Variants in CNOT9 observed in about 807,000 individuals in gnomAD.
CNOT9 encodes CCR4-NOT transcription complex subunit 9, also known as RCD1 required for cell differentiation1 homolog.
A neutral mutation model predicts 37.4 loss-of-function variants in CNOT9; 8 were observed. That is an observed-to-expected ratio of 0.21 (90% CI 0.13 to 0.39). CNOT9 has a LOEUF of 0.39. Among genes scored for constraint, CNOT9 ranks in the 10% least tolerant of loss-of-function variants. The pLI is 1.00. For missense variants in CNOT9, 154 were observed against 365.3 expected (o/e 0.42, Z 4.71); for synonymous variants, 120 against 137.6 (o/e 0.87, Z 0.90).
chr2:218,581,987 T>C (rs9917229), intron 2 of CNOT9, among the ~76,000 whole-genome samples: 6,988 of 151,792 alleles, frequency 0.046, 446 homozygotes, highest in African/African-American at 0.15. Flanking sequence ...GAAGCTGAAG[T>C]AGGAGGATCA....
At chr2:218,588,624 T>C (rs1276011690) in intron 5 of CNOT9, among the ~76,000 whole-genome samples, 8 of 113,848 alleles carry the variant, frequency 7.0e-5, no homozygotes, top group Non-Finnish European at 1.4e-4. Flanking sequence ...TGAGATGGAG[T>C]GATGTAATCT....
chr2:218,579,055 A>G (rs925344560), intron 1 of CNOT9, among the ~76,000 whole-genome samples: 2 of 152,148 alleles, frequency 1.3e-5, no homozygotes, highest in African/African-American at 4.8e-5. Flanking sequence ...TGCTCAGTTG[A>G]GGGGGGATGT....
At chr2:218,585,642 T>TTA (rs1694565383) in intron 4 of CNOT9, among the ~76,000 whole-genome samples, 8 of 132,524 alleles carry the variant, frequency 6.0e-5, no homozygotes, top group Non-Finnish European at 1.0e-4. Context: ...TATTTTATTT[T>TTA]TTTTTTTTTT....
At position 218,594,256 on chromosome 2, in the gene CNOT9, A is replaced by G; in HGVS notation, c.880A>G (p.Ile294Val). The G allele has an allele frequency of 1.2e-6, 2 of 1,612,388 alleles. No individual in the cohort carries two copies. Among genetic ancestry groups the G allele is most frequent in the African/African-American group, 1.3e-5 (1 of 75,042 alleles). ...QEGQVTDPRG[I>V]PLPPQ ...GGGCCAGGTCACCGATCCCCGGGGT[A>G]TCCCCCTGCCCCCTCAGTGATCCTT... Residue 294 changes from isoleucine to valine, a missense_variant, in exon 8 of 8, where the codon ATC becomes GTC. Physicochemically the swap from Ile to Val is conservative, Grantham distance 29 (BLOSUM62 3). Coordinates refer to ENST00000273064, the MANE Select transcript of CNOT9 (RefSeq NM_005444.3).
At chr2:218,586,978 A>C (rs777741372) in intron 4 of CNOT9, among the ~76,000 whole-genome samples, 1 of 152,226 alleles carries the variant, frequency 6.6e-6, no homozygotes, top group African/African-American at 2.4e-5. Context: ...ATACTACCTG[A>C]GTTCCACACC....
intron 3 of CNOT9, 70 bp downstream of exon 3, chr2:218,583,156 TAAAAG>T (rs1694452947): frequency 1.1e-6 from 1 of 948,518 alleles, no homozygotes; most frequent in African/African-American, 1.7e-5. Flanking sequence ...CTCTGAATAA[TAAAAG>T]GAAGGGCATG....
Position 218,583,231 on chromosome 2 carries a change from GTGTCTCTCTCTCTCTCTCTCTC to G in CNOT9, c.320+147_320+168del, listed in dbSNP as rs1281235611. 6.3e-4 allele frequency: 22 copies of G among 35,074 alleles called. No homozygotes were observed. The East Asian group carries it at 0.011, about 18-fold the overall frequency. 2.2% of individuals were successfully genotyped at this position (35,074 alleles called of 1,614,324 possible). On this transcript the variant is annotated intron_variant, in intron 3 of 7. Transcript: ENST00000273064. ...TGTGTGTGTGTGTGTGTGTGTGTGT[GTGTCTCTCTCTCTCTCTCTCTC>G]TCTCTCTCTCTCTCTCTCTCTCTCT...
intron 5 of CNOT9, among the ~76,000 whole-genome samples, chr2:218,591,474 T>G (rs1452699065): frequency 6.6e-6 from 1 of 152,176 alleles, no homozygotes; most frequent in African/African-American, 2.4e-5. Flanking sequence ...CCGAGTGCAG[T>G]GGCTCACGCT....
intron 7 of CNOT9, chr2:218,593,836 GT>G (rs1694855554): frequency 2.5e-6 from 3 of 1,222,800 alleles, no homozygotes; most frequent in East Asian, 5.6e-5. Flanking sequence ...TCAGAAAGCT[GT>G]TTGAATGGAA....
At chr2:218,590,594 A>G (rs545651988) in intron 5 of CNOT9, among the ~76,000 whole-genome samples, 181 of 152,292 alleles carry the variant, frequency 1.2e-3, no homozygotes, top group African/African-American at 3.8e-3. Context: ...TCTAAAGTCA[A>G]TGTATCAGGA....
intron 5 of CNOT9, among the ~76,000 whole-genome samples, chr2:218,588,287 C>CTTTTTTTTTTTTT (rs539751873): frequency 1.4e-5 from 2 of 141,552 alleles, no homozygotes; most frequent in African/African-American, 2.6e-5. Flanking sequence ...AATCATATAT[C>CTTTTTTTTTTTTT]TTTTTTTTTT....
At chr2:218,593,081 A>G (rs754096586) in intron 7 of CNOT9, 36 of 246,636 alleles carry the variant, frequency 1.5e-4, no homozygotes, top group Non-Finnish European at 2.3e-4. Context: ...CTTGAATTCT[A>G]TTTCCAATTC....
At chr2:218,593,503 C>T (rs1694847256) in intron 7 of CNOT9, 1 of 1,404,024 alleles carries the variant, frequency 7.1e-7, no homozygotes, top group East Asian at 2.5e-5. Flanking sequence ...TAGCTCTACA[C>T]ATAGTTAACA....
chr2:218,594,008 T>C, intron 7 of CNOT9, 100 bp from the exon 8 acceptor site: 1 of 1,187,422 alleles, frequency 8.4e-7, no homozygotes, highest in Non-Finnish European at 1.2e-6. Context: ...AGATTCACAG[T>C]ATTCTAAATA....
chr2:218,580,651 T>G lies in CNOT9; in HGVS notation c.115T>G (p.Leu39Val). ...CAGTCCTGAGACTAGGGAAAATGCT[T>G]TGCTGGAGCTAAGTAAGAAGCGAGA... is the stretch of plus-strand genomic sequence containing the variant. Reference protein sequence around the residue: ...LSSPETRENALLELSKKRESV... With the variant: ...LSSPETRENAVLELSKKRESV... The change falls in exon 2 of 8, where the codon TTG becomes GTG. Residue 39 changes from leucine (L) to valine (V), a missense_variant. Transcript: ENST00000273064. 6.2e-7 allele frequency: 1 copy of G among 1,614,080 alleles called. No individual in the cohort carries two copies.
chr2:218,585,413 T>A (rs1283862270), intron 4 of CNOT9, among the ~76,000 whole-genome samples: 2 of 151,616 alleles, frequency 1.3e-5, no homozygotes, highest in Admixed American at 6.6e-5. Context: ...ACTAAAAAAA[T>A]AATGCAAAAA....
At chr2:218,582,689 C>CA (rs398042880) in intron 2 of CNOT9, among the ~76,000 whole-genome samples, 8,485 of 135,278 alleles carry the variant, frequency 0.063, 353 homozygotes, top group East Asian at 0.12. Context: ...GACTCCGTCT[C>CA]AAAAAAAAAA....
At chr2:218,579,555 C>T (rs1360413393) in intron 1 of CNOT9, among the ~76,000 whole-genome samples, 2 of 152,136 alleles carry the variant, frequency 1.3e-5, no homozygotes, top group Non-Finnish European at 2.9e-5. Context: ...GGCGCGATCT[C>T]GGCTCACTGC....
At chr2:218,590,526 A>G (rs1161338718) in intron 5 of CNOT9, among the ~76,000 whole-genome samples, 1 of 152,198 alleles carries the variant, frequency 6.6e-6, no homozygotes, top group African/African-American at 2.4e-5. Flanking sequence ...GCTTAAAACA[A>G]TGGAAGTTTA....
Sources: gnomAD v4.1 joint callset for allele counts (sites outside exome capture counted in the v4.1 genomes callset) on GRCh38, gnomAD v4.1.1 for gene constraint, MANE v1.5 for transcripts, NCBI Gene and HGNC (gene_info 2026-07-23, HGNC 2026-07-21) for gene names.